AFDN: variants seen among roughly 807,000 people sequenced by gnomAD.
AFDN encodes afadin, adherens junction formation factor.
Under a neutral mutation model 216.6 loss-of-function variants are expected in AFDN, and 68 were observed. The ratio of observed to expected loss-of-function variants is 0.31; its 90% CI spans 0.26 to 0.38. The LOEUF (loss-of-function observed/expected upper bound fraction) is 0.38. Ranked by LOEUF, AFDN falls within the 10% of genes least tolerant of loss-of-function variation. AFDN has a pLI of 1.00. For synonymous variants in AFDN, 868 were observed against 853.7 expected (o/e 1.02, Z -0.29); for missense variants, 2,136 against 2,342.0 (o/e 0.91, Z 1.82).
At chr6:167,833,737 T>C (rs1475843403) in intron 1 of AFDN, among the ~76,000 whole-genome samples, 4 of 152,198 alleles carry the variant, frequency 2.6e-5, no homozygotes, top group Non-Finnish European at 4.4e-5. Context: ...TTCGGTTCTG[T>C]ATGTTAAGTA....
chr6:167,888,612 T>C (rs1369670540), intron 6 of AFDN, among the ~76,000 whole-genome samples: 1 of 152,200 alleles, frequency 6.6e-6, no homozygotes, highest in African/African-American at 2.4e-5. Context: ...AATAAAAAAG[T>C]AATACAGCAT....
intron 23 of AFDN, among the ~76,000 whole-genome samples, chr6:167,927,212 C>T (rs1423225635): frequency 2.0e-5 from 3 of 152,004 alleles, no homozygotes; most frequent in African/African-American, 7.3e-5. Context: ...TGGAGGGCAT[C>T]TTGGGAGAGG....
At chr6:167,940,280 T>C (rs55680541) in intron 23 of AFDN, among the ~76,000 whole-genome samples, 1 of 108,476 alleles carries the variant, frequency 9.2e-6, no homozygotes, top group East Asian at 2.7e-4. Context: ...GATGTAGGGG[T>C]GAGGGTGGAA....
rs565107363 is a variant in AFDN at position 167,897,256 on chromosome 6, A to G, written c.1317+284A>G. ...ATGGTGATGATACTTTTATAGGTCT[A>G]TTTCAGGATTACAGGATATAACCTA... On this transcript the variant is annotated intron_variant, in intron 10 of 33. Transcript: ENST00000683244. 1.2e-4 allele frequency among the ~76,000 whole-genome samples: 19 copies of G among 152,290 alleles called. No homozygotes were observed. In the East Asian group the frequency reaches 3.5e-3, roughly 28 times the overall value.
intron 21 of AFDN, among the ~76,000 whole-genome samples, 158 bp downstream of exon 21, chr6:167,919,091 G>C (rs539916086): frequency 1.3e-5 from 2 of 152,330 alleles, no homozygotes; most frequent in East Asian, 3.9e-4. Context: ...ATATTTCATG[G>C]TGATGTAAGG....
intron 1 of AFDN, among the ~76,000 whole-genome samples, chr6:167,856,414 A>G (rs1465338047): frequency 1.3e-5 from 2 of 152,090 alleles, no homozygotes; most frequent in African/African-American, 4.8e-5. Flanking sequence ...AGGGGGAACT[A>G]CTATACACAT....
At chr6:167,935,141 C>T (rs2128579331) in intron 23 of AFDN, among the ~76,000 whole-genome samples, 1 of 152,226 alleles carries the variant, frequency 6.6e-6, no homozygotes, top group African/African-American at 2.4e-5. Context: ...CTCCTTTCTT[C>T]TCTCTCCTCT....
chr6:167,904,310 G>T (rs1314595654), intron 12 of AFDN, among the ~76,000 whole-genome samples: 5 of 151,808 alleles, frequency 3.3e-5, no homozygotes, highest in African/African-American at 1.2e-4. Context: ...CCAGGTTCAA[G>T]TCATTCTCCT....
intron 5 of AFDN, among the ~76,000 whole-genome samples, chr6:167,879,211 A>C (rs575543691): frequency 1.3e-5 from 2 of 152,310 alleles, no homozygotes; most frequent in Admixed American, 6.5e-5. Flanking sequence ...GGTCTGGCTT[A>C]GCAGGTCCAT....
chr6:167,893,925 C>G lies in AFDN; in HGVS notation c.1222+19C>G, dbSNP rs140679945. On this transcript the variant is annotated intron_variant, in intron 9 of 33. Transcript: ENST00000683244. ...TACGAAGGTAATGCTATGCTTACTA[C>G]TACTTTTATAACTAAAGCACTAATA... 101 of 1,547,838 alleles carry G rather than the reference C, an allele frequency of 6.5e-5. No homozygotes were observed. Among genetic ancestry groups the G allele is most frequent in the Non-Finnish European group, 8.8e-5 (100 of 1,134,142 alleles).
chr6:167,844,208 G>GTGTA (rs1343190689), intron 1 of AFDN, among the ~76,000 whole-genome samples: 2 of 150,430 alleles, frequency 1.3e-5, no homozygotes, highest in African/African-American at 4.9e-5. Context: ...GTGTGTGTGT[G>GTGTA]TGTGTGTGTG....
chr6:167,850,046 C>G (rs1030586519), intron 1 of AFDN, among the ~76,000 whole-genome samples: 1 of 152,070 alleles, frequency 6.6e-6, no homozygotes, highest in African/African-American at 2.4e-5. Context: ...AAGAGTGAAA[C>G]TGGAAGGGTA....
intron 4 of AFDN, among the ~76,000 whole-genome samples, chr6:167,874,264 T>G (rs935256203): frequency 6.6e-6 from 1 of 152,176 alleles, no homozygotes; most frequent in Non-Finnish European, 1.5e-5. Context: ...AAGCTTCTAC[T>G]TTATGACTCG....
At chr6:167,908,990 A>AT (rs550282709) in intron 13 of AFDN, among the ~76,000 whole-genome samples, 3 of 151,722 alleles carry the variant, frequency 2.0e-5, no homozygotes, top group Non-Finnish European at 2.9e-5. Context: ...TTGTCACTAA[A>AT]TTTTTTTTTC....
intron 6 of AFDN, among the ~76,000 whole-genome samples, chr6:167,882,488 A>G (rs1223098216): frequency 2.7e-4 from 8 of 30,156 alleles, no homozygotes; most frequent in Non-Finnish European, 4.1e-4. Context: ...AAAACTACAA[A>G]AAAAAAAAAA....
At chr6:167,925,636 C>T (rs937660809) in intron 23 of AFDN, among the ~76,000 whole-genome samples, 5 of 152,204 alleles carry the variant, frequency 3.3e-5, no homozygotes, top group Non-Finnish European at 7.3e-5. Context: ...TAGGTGTTGA[C>T]TGCTGGACCA....
intron 23 of AFDN, among the ~76,000 whole-genome samples, chr6:167,930,330 T>G (rs959575128): frequency 6.6e-6 from 1 of 152,242 alleles, no homozygotes; most frequent in African/African-American, 2.4e-5. Context: ...CCTGGTGAGA[T>G]GTCTATGATC....
In AFDN at chr6:167,962,832, C is replaced by G. The variant is rs1797173473; in HGVS notation, c.4968+265C>G. On this transcript the variant is annotated intron_variant, in intron 31 of 33. Coordinates refer to ENST00000683244, the MANE Select transcript of AFDN (RefSeq NM_001386888.1). The surrounding 1 kb of genome is among the most constrained non-coding windows in gnomAD (Gnocchi z 5.2). ...ACTCTTGGGCGTGTGTAGCAGTGAG[C>G]CTCTTTGCAAAGGGTTCGTTTCCTC... The G allele has an allele frequency of 1.6e-6, 2 of 1,289,534 alleles. No homozygotes were observed. Among genetic ancestry groups the G allele is most frequent in the Admixed American group, 3.2e-5 (1 of 30,912 alleles). 79.9% of individuals were successfully genotyped at this position (1,289,534 alleles called of 1,614,324 possible). A position where few individuals can be genotyped will look rare whatever the true frequency, so the allele number is the denominator to read the frequency against.
chr6:167,964,472 TGA>T lies in AFDN; in HGVS notation c.4969-1281_4969-1280del, dbSNP rs1180177823. 5.8e-5 allele frequency: 62 copies of T among 1,065,514 alleles called. 1 individual carries two copies. The African/African-American group carries it at 5.9e-4, about 10-fold the overall frequency. The allele number at this position is 1,065,514 out of a possible 1,614,324, so 66.0% of individuals were successfully genotyped here. On this transcript the variant is annotated intron_variant, in intron 31 of 33. Transcript: ENST00000683244. ...CACTTACTTTGTGTAGACAAGAAGA[TGA>T]GAGTCTTTCCTTCAGGATTTCTAAA...
Sources: gnomAD v4.1 joint callset for allele counts (sites outside exome capture counted in the v4.1 genomes callset) on GRCh38, gnomAD v4.1.1 for gene constraint, Gnocchi (gnomAD v3.1) non-coding constraint, MANE v1.5 for transcripts, NCBI Gene and HGNC (gene_info 2026-07-23, HGNC 2026-07-21) for gene names.